ATP12A: variants seen among roughly 807,000 people sequenced by gnomAD.
The protein encoded by ATP12A is ATPase H+/K+ transporting non-gastric alpha2 subunit, also known as potassium-transporting ATPase alpha chain 2.
A neutral mutation model predicts 111.2 loss-of-function variants in ATP12A; 81 were observed. The observed-to-expected ratio is 0.73, with a 90% CI of 0.61 to 0.88. The LOEUF (loss-of-function observed/expected upper bound fraction) is 0.88, where lower values mean the gene tolerates loss of function less well. Among genes scored for constraint, ATP12A ranks in the 40% least tolerant of loss-of-function variants. The probability of loss-of-function intolerance (pLI) is 0.00; values close to 1 mark genes in which losing one functional copy is unlikely to be tolerated. For missense variants in ATP12A, 1,196 were observed against 1,313.1 expected (o/e 0.91, Z 1.38); for synonymous variants, 498 against 499.8 (o/e 1.00, Z 0.05).
intron 13 of ATP12A, among the ~76,000 whole-genome samples, chr13:24,701,722 A>G (rs1315339393): frequency 6.6e-6 from 1 of 152,190 alleles, no homozygotes; most frequent in Non-Finnish European, 1.5e-5. Context: ...CTTTCATGTC[A>G]GAGGAGGAAG....
At chr13:24,699,941 A>T (rs148358137) in intron 12 of ATP12A, among the ~76,000 whole-genome samples, 1 of 152,344 alleles carries the variant, frequency 6.6e-6, no homozygotes, top group East Asian at 1.9e-4. Context: ...TATAAATGAG[A>T]TGGTGATGCT....
Position 24,711,704 on chromosome 13 carries a change from C to G in ATP12A, c.*182C>G. ...TGTTTTGCACTTTAAAACTGAAATT[C>G]AACTCTTTATATAGGATTTTCTTTT... On this transcript the variant is annotated 3_prime_UTR_variant, in exon 23 of 23. Transcript: ENST00000381946. 1.4e-6 allele frequency: 1 copy of G among 732,410 alleles called. No individual in the cohort carries two copies. The highest frequency in any genetic ancestry group is 2.2e-6 in the Non-Finnish European group (1 of 450,968). The allele number at this position is 732,410 out of a possible 1,614,324, so 45.4% of individuals were successfully genotyped here.
At chr13:24,699,250 G>T (rs1308429116) in intron 12 of ATP12A, among the ~76,000 whole-genome samples, 1 of 152,192 alleles carries the variant, frequency 6.6e-6, no homozygotes, top group Non-Finnish European at 1.5e-5. Context: ...GGCTGGACTG[G>T]AGGTCATGAG....
In ATP12A at chr13:24,711,585, GT is replaced by G; in HGVS notation, c.*66del. On this transcript the variant is annotated 3_prime_UTR_variant, in exon 23 of 23. Coordinates refer to ENST00000381946, the MANE Select transcript of ATP12A (RefSeq NM_001676.7). Reference sequence around the variant, plus strand: ...GGGCACACTTGTTCATCTTCTGACCGTTTGCTGGGCTATTCCCCTGCAGTGC... The same window carrying G: ...GGGCACACTTGTTCATCTTCTGACCGTTGCTGGGCTATTCCCCTGCAGTGC... 1 of 1,604,442 alleles carries G rather than the reference GT, an allele frequency of 6.2e-7. No individual in the cohort carries two copies. Among genetic ancestry groups the G allele is most frequent in the Admixed American group, 1.7e-5 (1 of 59,954 alleles).
chr13:24,687,520 G>A (rs574245906), intron 3 of ATP12A, among the ~76,000 whole-genome samples: 83 of 152,276 alleles, frequency 5.5e-4, no homozygotes, highest in Non-Finnish European at 1.0e-3. Flanking sequence ...ACATAATTAG[G>A]GAGAAGAGGT....
rs932276056 is a variant in ATP12A, at chr13:24,680,424, C to T, written c.-320C>T. The T allele has an allele frequency of 7.8e-6, 3 of 382,848 alleles. No individual in the cohort carries two copies. The allele number at this position is 382,848 out of a possible 1,614,324, so 23.7% of individuals were successfully genotyped here. ...CAGGGGGTCCTCAATCCTGGACTCT[C>T]CCGACCCCTAGCTGTCGGTCCCCCT... is the stretch of plus-strand genomic sequence containing the variant. On this transcript the variant is annotated 5_prime_UTR_variant, in exon 1 of 23. Coordinates refer to ENST00000381946, the MANE Select transcript of ATP12A (RefSeq NM_001676.7).
rs561103824 is a variant in ATP12A at position 24,691,071 on chromosome 13, A to G, written c.889A>G (p.Thr297Ala). The G allele has an allele frequency of 1.2e-5, 20 of 1,614,204 alleles. No individual in the cohort carries two copies. The East Asian group carries it at 4.0e-4, about 32-fold the overall frequency. ...GGCCTCAGGAGTTGGAAATGAGAAG[A>G]CGCCCATTGCCATTGAGATCGAGCA... The part of the protein sequence containing the change: ...SLASGVGNEK[T>A]PIAIEIEHFV... The change falls in exon 8 of 23, where the codon ACG (threonine) becomes GCG (alanine). Residue 297 changes from threonine to alanine, a missense_variant. By Grantham distance (58) the Thr-to-Ala change is moderately conservative. Around this residue, in one of 3 missense-constraint regions of ATP12A, gnomAD observed 1,126 missense variants for 1,228.5 expected, o/e 0.92. Transcript: ENST00000381946.
intron 1 of ATP12A, 68 bp from the exon 2 acceptor site, chr13:24,681,494 G>C (rs1874429561): frequency 1.3e-6 from 2 of 1,557,744 alleles, no homozygotes; most frequent in Non-Finnish European, 1.7e-6. Flanking sequence ...TGACCCCGCA[G>C]AGGGGCGCTC....
In ATP12A at chr13:24,680,687, C is replaced by G; in HGVS notation, c.-57C>G. On this transcript the variant is annotated 5_prime_UTR_variant, in exon 1 of 23. Transcript: ENST00000381946. ...CGAGGCCCCCCACCGTGCGCTCCGCCGCTGCGGTCCCGGATCCGCGCTCCA... is the reference window on the plus strand; with the variant it reads ...CGAGGCCCCCCACCGTGCGCTCCGCGGCTGCGGTCCCGGATCCGCGCTCCA... 6.7e-7 allele frequency: 1 copy of G among 1,498,842 alleles called. No individual in the cohort carries two copies. Among genetic ancestry groups the G allele is most frequent in the Non-Finnish European group, 8.8e-7 (1 of 1,130,668 alleles). The allele number at this position is 1,498,842 out of a possible 1,614,324, so 92.8% of individuals were successfully genotyped here.
chr13:24,696,743 A>AAG (rs1555254850), intron 11 of ATP12A, among the ~76,000 whole-genome samples: 1,817 of 99,340 alleles, frequency 0.018, 373 homozygotes, highest in Admixed American at 0.051. Context: ...AAAAAAAAAA[A>AAG]AAAGAAAGGG....
At chr13:24,682,125 G>A (rs1874486862) in intron 2 of ATP12A, among the ~76,000 whole-genome samples, 1 of 124,788 alleles carries the variant, frequency 8.0e-6, no homozygotes, top group Non-Finnish European at 1.7e-5. Flanking sequence ...TGTGGTGTGT[G>A]TGTGTGGTGT....
In ATP12A at chr13:24,706,372, T is replaced by C. The variant is rs1281881080; in HGVS notation, c.2078T>C (p.Leu693Pro). 3.1e-6 allele frequency: 5 copies of C among 1,614,142 alleles called. No homozygotes were observed. The African/African-American group carries it at 6.7e-5, about 22-fold the overall frequency. ...CTGAAGGACATGAGCTCAGAACAGC[T>C]GGATGAGATCTTAGCCAACTACCAG... ...MELKDMSSEQLDEILANYQEI... is the reference protein window; with the variant it reads ...MELKDMSSEQPDEILANYQEI... Residue 693 changes from leucine to proline, a missense_variant, in exon 15 of 23, where the codon CTG becomes CCG. By Grantham distance (98) the Leu-to-Pro change is moderately conservative. Coordinates refer to ENST00000381946, the MANE Select transcript of ATP12A (RefSeq NM_001676.7).
Position 24,680,805 on chromosome 13 carries a change from C to G in ATP12A, c.9+53C>G, listed in dbSNP as rs1443414125. 1.8e-5 allele frequency: 26 copies of G among 1,459,252 alleles called. No homozygotes were observed. In the Admixed American group the frequency reaches 3.8e-4, roughly 22 times the overall value. 90.4% of individuals were successfully genotyped at this position (1,459,252 alleles called of 1,614,324 possible). ...GATGCGAGACGCTGGGCCAAGGCCC[C>G]GGGGACCGGAGCAGGCTGACGGGAA... On this transcript the variant is annotated intron_variant, in intron 1 of 22. Transcript: ENST00000381946.
At chr13:24,707,540 C>A in intron 17 of ATP12A, 107 bp downstream of exon 17, 1 of 1,439,372 alleles carries the variant, frequency 6.9e-7, no homozygotes, top group Non-Finnish European at 9.5e-7. Context: ...GGCTTCTCAG[C>A]TTCCATGTGA....
At chr13:24,681,478 A>G in intron 1 of ATP12A, 84 bp from the exon 2 acceptor site, 1 of 1,477,576 alleles carries the variant, frequency 6.8e-7, no homozygotes. Flanking sequence ...TGACTCCTGC[A>G]GGTCCTGACC....
At chr13:24,700,655 C>A in intron 12 of ATP12A, 92 bp from the exon 13 acceptor site, 3 of 1,180,288 alleles carry the variant, frequency 2.5e-6, no homozygotes, top group Non-Finnish European at 3.5e-6. Context: ...GGTAAAACAG[C>A]AGAGGACCAA....
In ATP12A at chr13:24,689,282, T is replaced by G; in HGVS notation, c.453T>G (p.Leu151=). 6.2e-7 allele frequency: 1 copy of G among 1,614,046 alleles called. No individual in the cohort carries two copies. The highest frequency in any genetic ancestry group is 8.5e-7 in the Non-Finnish European group (1 of 1,179,970). ...SLNNVYLGCV[L]GLVVILTGIF... is the part of the protein sequence containing the mutation. ...CCCAGGTGTACTTGGGCTGTGTGCTTGGTCTGGTGGTCATTTTAACGGGGA... is the reference window on the plus strand; with the variant it reads ...CCCAGGTGTACTTGGGCTGTGTGCTGGGTCTGGTGGTCATTTTAACGGGGA... The change falls in exon 5 of 23, where the codon CTT becomes CTG. Residue 151 remains leucine, a synonymous_variant. Coordinates refer to ENST00000381946, the MANE Select transcript of ATP12A (RefSeq NM_001676.7).
At chr13:24,701,383 C>A (rs1422945824) in intron 13 of ATP12A, among the ~76,000 whole-genome samples, 1 of 151,730 alleles carries the variant, frequency 6.6e-6, no homozygotes, top group Non-Finnish European at 1.5e-5. Flanking sequence ...CACCTGTAAT[C>A]CCAGCTACTC....
At chr13:24,684,198 A>G (rs1205313173) in intron 2 of ATP12A, among the ~76,000 whole-genome samples, 5 of 152,180 alleles carry the variant, frequency 3.3e-5, no homozygotes, top group African/African-American at 9.7e-5. Context: ...TCTGTGCAGA[A>G]CACAGCCTTA....
Sources: allele counts gnomAD v4.1 joint callset (sites outside exome capture counted in the v4.1 genomes callset), GRCh38; gene constraint gnomAD v4.1.1; regional missense constraint gnomAD v4.1.1; transcripts MANE v1.5; gene names NCBI Gene and HGNC (gene_info 2026-07-23, HGNC 2026-07-21).